ARNT2: variants seen among roughly 807,000 people sequenced by gnomAD.
ARNT2 encodes aryl hydrocarbon receptor nuclear translocator 2.
Under a neutral mutation model 91.7 loss-of-function variants are expected in ARNT2, and 36 were observed. The observed-to-expected ratio is 0.39, with a 90% CI of 0.30 to 0.52. The LOEUF is 0.52. Ranked by LOEUF, ARNT2 falls within the 20% of genes least tolerant of loss-of-function variation. The pLI is 0.72. For missense variants in ARNT2, 775 were observed against 939.3 expected (o/e 0.83, Z 2.29); for synonymous variants, 365 against 347.1 (o/e 1.05, Z -0.57).
At chr15:80,422,836 T>G (rs1261100746) in intron 1 of ARNT2, among the ~76,000 whole-genome samples, 3 of 152,226 alleles carry the variant, frequency 2.0e-5, no homozygotes, top group African/African-American at 7.2e-5. Context: ...TACACTTACT[T>G]GTATTTATAT....
At chr15:80,537,755 C>T (rs987983511) in intron 8 of ARNT2, among the ~76,000 whole-genome samples, 4 of 152,210 alleles carry the variant, frequency 2.6e-5, no homozygotes, top group Non-Finnish European at 5.9e-5. Context: ...GGAAGGTACC[C>T]GTGTTACCAC....
Position 80,459,116 on chromosome 15 carries a change from G to A in ARNT2, c.194+1140G>A, listed in dbSNP as rs529650100. Among the ~76,000 whole-genome samples the A allele has an allele frequency of 3.2e-4, 49 of 152,304 alleles. 1 individual carries two copies. The highest frequency in any genetic ancestry group is 7.9e-4 in the African/African-American group (33 of 41,568). The stretch of plus-strand genomic sequence containing the variant: ...TCCTTACTTCCCAGGGATTCCCAGA[G>A]TCTCCAAGTCCATAGTAAACTCGCA... On this transcript the variant is annotated intron_variant, in intron 3 of 18. Transcript: ENST00000303329.
intron 8 of ARNT2, among the ~76,000 whole-genome samples, chr15:80,516,851 A>ATATATATATATATATATATATC (rs1338539756): frequency 7.3e-6 from 1 of 137,554 alleles, no homozygotes; most frequent in South Asian, 2.3e-4. Context: ...ATATATATAT[A>ATATATATATATATATATATATC]TATATCCATG....
At chr15:80,537,571 A>G (rs1290196932) in intron 8 of ARNT2, among the ~76,000 whole-genome samples, 1 of 152,262 alleles carries the variant, frequency 6.6e-6, no homozygotes, top group African/African-American at 2.4e-5. Context: ...GAAAATGTCC[A>G]TGATCAATCT....
chr15:80,406,442 A>G (rs982983671), intron 1 of ARNT2, among the ~76,000 whole-genome samples: 9 of 152,266 alleles, frequency 5.9e-5, no homozygotes, highest in Admixed American at 1.3e-4. Context: ...GAAATTAGAA[A>G]AAGCAAAAGA....
chr15:80,558,936 T>C (rs1898260046), intron 11 of ARNT2, among the ~76,000 whole-genome samples: 1 of 152,216 alleles, frequency 6.6e-6, no homozygotes, highest in African/African-American at 2.4e-5. Context: ...GGGGCCTCCA[T>C]TCTGTGCCCA....
At chr15:80,535,840 C>T (rs1251352817) in intron 8 of ARNT2, among the ~76,000 whole-genome samples, 6 of 151,978 alleles carry the variant, frequency 3.9e-5, no homozygotes, top group African/African-American at 9.7e-5. Flanking sequence ...GAGATGTCCT[C>T]GGGGCTTTTC....
chr15:80,520,068 A>T (rs1897514794), intron 8 of ARNT2, among the ~76,000 whole-genome samples: 1 of 150,194 alleles, frequency 6.7e-6, no homozygotes, highest in Admixed American at 6.6e-5. Context: ...GGTTTGCATG[A>T]CCCAGTTCCC....
chr15:80,544,902 T>C (rs572747849), intron 8 of ARNT2, among the ~76,000 whole-genome samples: 1 of 151,978 alleles, frequency 6.6e-6, no homozygotes, highest in South Asian at 2.1e-4. Context: ...GAAGAATGTA[T>C]GACTCTAAGG....
chr15:80,539,218 T>C (rs1182868553), intron 8 of ARNT2, among the ~76,000 whole-genome samples: 1 of 152,090 alleles, frequency 6.6e-6, no homozygotes, highest in Non-Finnish European at 1.5e-5. Flanking sequence ...ACCTACAAAC[T>C]ATGAACCCAA....
intron 8 of ARNT2, among the ~76,000 whole-genome samples, chr15:80,527,059 T>C (rs537102954): frequency 2.6e-5 from 4 of 152,362 alleles, no homozygotes; most frequent in Admixed American, 1.3e-4. Context: ...AAAGCCATGA[T>C]GACCTTAGCT....
chr15:80,429,493 G>A (rs1182774121), intron 1 of ARNT2, among the ~76,000 whole-genome samples: 1 of 152,208 alleles, frequency 6.6e-6, no homozygotes, highest in Non-Finnish European at 1.5e-5. Context: ...CCCCGCAATC[G>A]CCTGCCCTGT....
At chr15:80,405,863 G>C (rs144116914) in intron 1 of ARNT2, among the ~76,000 whole-genome samples, 5 of 151,800 alleles carry the variant, frequency 3.3e-5, no homozygotes, top group Non-Finnish European at 7.4e-5. Flanking sequence ...CACTTCCTAA[G>C]AACCAGAAAA....
Position 80,596,994 on chromosome 15 carries a change from C to A in ARNT2, c.*3296C>A. 2.7e-6 allele frequency: 1 copy of A among 373,210 alleles called. No individual in the cohort carries two copies. The highest frequency in any genetic ancestry group is 5.3e-6 in the Non-Finnish European group (1 of 188,276). 23.1% of individuals were successfully genotyped at this position (373,210 alleles called of 1,614,324 possible). A position where few individuals can be genotyped will look rare whatever the true frequency, so the allele number is the denominator to read the frequency against. On this transcript the variant is annotated 3_prime_UTR_variant, in exon 19 of 19. Coordinates refer to ENST00000303329, the MANE Select transcript of ARNT2 (RefSeq NM_014862.4). ...AAATAGCCACATTCTGCTCTACTCTCCAACATACCAGATTCTACACTGTTG... is the reference window on the plus strand; with the variant it reads ...AAATAGCCACATTCTGCTCTACTCTACAACATACCAGATTCTACACTGTTG...
intron 16 of ARNT2, among the ~76,000 whole-genome samples, chr15:80,580,933 G>A (rs1898784588): frequency 6.6e-6 from 1 of 152,152 alleles, no homozygotes; most frequent in Admixed American, 6.5e-5. Flanking sequence ...GAGGGTGGGT[G>A]TTGATTGGGC....
rs78559108 is a variant in ARNT2, at chr15:80,498,377, C to T, written c.623-9779C>T. On this transcript the variant is annotated intron_variant, in intron 5 of 18. Coordinates refer to ENST00000303329, the MANE Select transcript of ARNT2 (RefSeq NM_014862.4). ...AACCTCCTTGGTGTGGGATTCATCT[C>T]TCACTCATGACTCTCTCTTTGCTAC... Among the ~76,000 whole-genome samples, 1,516 of 152,344 alleles carry T rather than the reference C, an allele frequency of 1.0e-2. 26 individuals carry two copies. Among genetic ancestry groups the T allele is most frequent in the African/African-American group, 0.035 (1,450 of 41,576 alleles).
chr15:80,525,922 A>AT (rs1897633121), intron 8 of ARNT2, among the ~76,000 whole-genome samples: 1 of 152,252 alleles, frequency 6.6e-6, no homozygotes, highest in African/African-American at 2.4e-5. Context: ...CTTGAGCAGC[A>AT]AAGTTGCTAA....
At chr15:80,507,994 T>C (rs1412362488) in intron 5 of ARNT2, among the ~76,000 whole-genome samples, 162 bp from the exon 6 acceptor site, 1 of 152,162 alleles carries the variant, frequency 6.6e-6, no homozygotes, top group African/African-American at 2.4e-5. Flanking sequence ...ACTATGTGAG[T>C]TTCTTGCCAA....
intron 8 of ARNT2, among the ~76,000 whole-genome samples, chr15:80,538,262 G>T (rs556173447): frequency 5.5e-4 from 83 of 152,236 alleles, no homozygotes; most frequent in African/African-American, 1.9e-3. Flanking sequence ...AAATGTAAAT[G>T]AGGATTTAGA....
Sources: gnomAD v4.1 joint callset for allele counts (sites outside exome capture counted in the v4.1 genomes callset) on GRCh38, gnomAD v4.1.1 for gene constraint, MANE v1.5 for transcripts, NCBI Gene and HGNC (gene_info 2026-07-23, HGNC 2026-07-21) for gene names.